Variants in DEAF1 observed in about 807,000 individuals in gnomAD.
DEAF1 encodes deformed epidermal autoregulatory factor 1 homolog.
A neutral mutation model predicts 58.9 loss-of-function variants in DEAF1; 53 were observed. The observed-to-expected ratio is 0.90, with a 90% confidence interval of 0.72 to 1.13. The LOEUF is 1.13. DEAF1 is among the 50% of genes most tolerant of loss of function. The pLI is 0.00. For synonymous variants in DEAF1, 385 were observed against 340.4 expected, an observed-to-expected ratio of 1.13 and a Z score of -1.44; for missense variants, 685 against 791.4, an observed-to-expected ratio of 0.87 and a Z score of 1.61.
At chr11:672,161 G>C (rs7949932) in intron 10 of DEAF1, among the ~76,000 whole-genome samples, 1 of 151,902 alleles carries the variant, frequency 6.6e-6, no homozygotes, top group East Asian at 1.9e-4. Context: ...CATAGAATAC[G>C]GCCTGGGATG....
At chr11:660,779 G>A (rs957087137) in intron 10 of DEAF1, among the ~76,000 whole-genome samples, 4 of 152,254 alleles carry the variant, frequency 2.6e-5, no homozygotes, top group Non-Finnish European at 4.4e-5. Context: ...TGACACTGGA[G>A]AACAAGGCAG....
Position 644,236 on chromosome 11 carries a change from C to CTTATT in DEAF1, c.*309_*313dup. ...AACCGGCCGTGTGGGGCAGGGAGAC[C>CTTATT]TTATTTACACTTTATTGACAGACAC... is the stretch of plus-strand genomic sequence containing the variant. On this transcript the variant is annotated 3_prime_UTR_variant, in exon 12 of 12. Transcript: ENST00000382409. The surrounding 1 kb of genome is among the most constrained non-coding windows in gnomAD (Gnocchi z 4.3). 2.2e-6 allele frequency: 1 copy of CTTATT among 449,304 alleles called. No homozygotes were observed. The highest frequency in any genetic ancestry group is 3.5e-5 in the Admixed American group (1 of 28,954). 27.8% of individuals were successfully genotyped at this position (449,304 alleles called of 1,614,324 possible).
At chr11:672,146 C>G (rs1374797491) in intron 10 of DEAF1, among the ~76,000 whole-genome samples, 2 of 152,192 alleles carry the variant, frequency 1.3e-5, no homozygotes, top group African/African-American at 4.8e-5. Flanking sequence ...TACACAAACC[C>G]CTAACATAGA....
At chr11:692,516 C>T (rs558183129) in intron 1 of DEAF1, among the ~76,000 whole-genome samples, 2 of 152,320 alleles carry the variant, frequency 1.3e-5, no homozygotes, top group South Asian at 4.1e-4. Context: ...TGAATGAGTC[C>T]TGACCATACC....
chr11:674,411 TTTTCCAGA>T, intron 10 of DEAF1, 117 bp downstream of exon 10: 1 of 1,335,734 alleles, frequency 7.5e-7, no homozygotes, highest in Non-Finnish European at 1.1e-6. Flanking sequence ...CACAGCTCCC[TTTTCCAGA>T]AAGGTGGGGC....
At chr11:696,599 TA>T (rs879499347), upstream of DEAF1, among the ~76,000 whole-genome samples, 280 of 145,928 alleles carry the variant, frequency 1.9e-3, no homozygotes, top group African/African-American at 6.5e-3. Flanking sequence ...ACCCCCTCTA[TA>T]AAAAAAAAAC....
chr11:675,911 C>G (rs1047130375), intron 9 of DEAF1, among the ~76,000 whole-genome samples: 11 of 139,202 alleles, frequency 7.9e-5, no homozygotes, highest in African/African-American at 2.9e-4. Flanking sequence ...TGACATCCCC[C>G]CAGCACCTGA....
intron 11 of DEAF1, among the ~76,000 whole-genome samples, chr11:647,177 T>G (rs1348170305): frequency 6.6e-6 from 1 of 150,734 alleles, no homozygotes; most frequent in Non-Finnish European, 1.5e-5. Flanking sequence ...TAAAATAGGC[T>G]GGGTACGGTG....
At chr11:689,292 G>C (rs1384665222) in intron 2 of DEAF1, among the ~76,000 whole-genome samples, 3 of 135,966 alleles carry the variant, frequency 2.2e-5, no homozygotes. Context: ...TGCAAGCTCC[G>C]CCTCCCGGGT....
intron 11 of DEAF1, among the ~76,000 whole-genome samples, chr11:651,651 C>G (rs1286047186): frequency 2.0e-5 from 3 of 152,148 alleles, no homozygotes; most frequent in African/African-American, 7.2e-5. Flanking sequence ...TGAAAGGAGA[C>G]TGAGGAGGGC....
Position 687,938 on chromosome 11 carries a change from T to C in DEAF1, c.637A>G (p.Thr213Ala). ...GAGCCGAGCCTGTTCTTGTACAGAG[T>C]GCCGCTGATGTTCCGGCACCGTACG... ...LPVRCRNISG[T>A]LYKNRLGSGG... The change falls in exon 4 of 12, where the codon ACT (threonine) becomes GCT (alanine). Residue 213 changes from threonine (T) to alanine (A), a missense_variant. By Grantham distance (58) the Thr-to-Ala change is moderately conservative. This residue lies in a region of DEAF1 where 132 missense variants were observed against 234.3 expected (regional missense o/e 0.56). Coordinates refer to ENST00000382409, the MANE Select transcript of DEAF1 (RefSeq NM_021008.4). The C allele has an allele frequency of 6.2e-7, 1 of 1,613,998 alleles. No individual in the cohort carries two copies. Among genetic ancestry groups the C allele is most frequent in the Non-Finnish European group, 8.5e-7 (1 of 1,179,986 alleles).
intron 11 of DEAF1, among the ~76,000 whole-genome samples, chr11:649,403 CAG>C (rs1248519447): frequency 1.4e-5 from 2 of 146,726 alleles, no homozygotes; most frequent in Admixed American, 6.8e-5. Context: ...GCCTGGGTGA[CAG>C]AGAGAGACCC....
intron 10 of DEAF1, among the ~76,000 whole-genome samples, chr11:662,651 G>T (rs553423121): frequency 6.6e-6 from 1 of 152,162 alleles, no homozygotes; most frequent in African/African-American, 2.4e-5. Context: ...CCGAGCCCTC[G>T]TAAGATACCT....
chr11:652,083 A>G (rs1438303656), intron 11 of DEAF1, among the ~76,000 whole-genome samples: 1 of 152,252 alleles, frequency 6.6e-6, no homozygotes, highest in Non-Finnish European at 1.5e-5. Flanking sequence ...CCATGATAAG[A>G]CCATACGCTA....
chr11:694,626 G>A, intron 1 of DEAF1, 133 bp downstream of exon 1: 2 of 859,632 alleles, frequency 2.3e-6, no homozygotes, highest in Non-Finnish European at 3.1e-6. Context: ...GGCGGGTGGA[G>A]CGGGCTGGTC....
upstream of DEAF1, chr11:697,667 G>A (rs1476609891): frequency 6.6e-6 from 1 of 152,222 alleles, no homozygotes; most frequent in Non-Finnish European, 1.5e-5. Flanking sequence ...CCCAATTAAT[G>A]CGAAATCATC....
upstream of DEAF1, chr11:695,861 G>A (rs1215589979): frequency 1.6e-6 from 2 of 1,228,304 alleles, no homozygotes; most frequent in Non-Finnish European, 2.0e-6. Flanking sequence ...GCTCGGGCGG[G>A]GTGGGGGCTT....
At position 680,073 on chromosome 11, in the gene DEAF1, T is replaced by G. The variant is rs193107438; in HGVS notation, c.998-257A>C. 5.4e-4 allele frequency: 298 copies of G among 551,410 alleles called. 3 individuals are homozygous for G. Among genetic ancestry groups the G allele is most frequent in the Non-Finnish European group, 7.2e-5 (22 of 306,628 alleles). The allele number at this position is 551,410 out of a possible 1,614,324, so 34.2% of individuals were successfully genotyped here. A position where few individuals can be genotyped will look rare whatever the true frequency, so the allele number is the denominator to read the frequency against. The stretch of plus-strand genomic sequence containing the variant: ...GTTTAAACTGTGAACCATGGAAATG[T>G]GCTGCCCAGCCAGAAAACAAACATA... On this transcript the variant is annotated intron_variant, in intron 7 of 11. Coordinates refer to ENST00000382409, the MANE Select transcript of DEAF1 (RefSeq NM_021008.4).
chr11:674,306 G>T, intron 10 of DEAF1: 1 of 585,676 alleles, frequency 1.7e-6, no homozygotes, highest in Non-Finnish European at 3.0e-6. Flanking sequence ...TTCCCTTTCT[G>T]AAACAAAGCA....
Sources: gnomAD v4.1 joint callset for allele counts (sites outside exome capture counted in the v4.1 genomes callset) on GRCh38, gnomAD v4.1.1 for gene constraint, gnomAD v4.1.1 regional missense constraint, Gnocchi (gnomAD v3.1) non-coding constraint, MANE v1.5 for transcripts, NCBI Gene and HGNC (gene_info 2026-07-23, HGNC 2026-07-21) for gene names.